Variants in PRKD2 observed in about 807,000 individuals in gnomAD.
PRKD2 encodes the protein serine/threonine-protein kinase D2.
PRKD2 carries 22 observed loss-of-function variants against 86.0 expected under a neutral mutation model. The observed-to-expected ratio is 0.26, with a 90% CI of 0.18 to 0.37. The LOEUF (loss-of-function observed/expected upper bound fraction) is 0.37. Ranked by LOEUF, PRKD2 falls within the 10% of genes least tolerant of loss-of-function variation. PRKD2 has a pLI of 1.00. For synonymous variants in PRKD2, 509 were observed against 510.9 expected, an observed-to-expected ratio of 1.00 and a Z score of 0.05; for missense variants, 818 against 1,199.2, an observed-to-expected ratio of 0.68 and a Z score of 4.70.
At chr19:46,704,072 G>A (rs1045315416) in intron 5 of PRKD2, 97 bp downstream of exon 5, 180 of 1,534,210 alleles carry the variant, frequency 1.2e-4, no homozygotes, top group Non-Finnish European at 1.5e-4. Flanking sequence ...AGGCCCTGGG[G>A]TCCCAAGGCT....
At chr19:46,680,275 T>C (rs1377152038) in intron 15 of PRKD2, among the ~76,000 whole-genome samples, 4 of 152,136 alleles carry the variant, frequency 2.6e-5, no homozygotes, top group African/African-American at 9.7e-5. Flanking sequence ...TATGGATCTT[T>C]TTTAAAATTT....
chr19:46,688,580 G>A (rs1176376654), intron 14 of PRKD2, among the ~76,000 whole-genome samples: 1 of 150,868 alleles, frequency 6.6e-6, no homozygotes, highest in Non-Finnish European at 1.5e-5. Context: ...ATGATTACAG[G>A]TGCCTGCCAC....
chr19:46,681,811 A>C, intron 14 of PRKD2, 63 bp from the exon 15 acceptor site: 1 of 1,033,578 alleles, frequency 9.7e-7, no homozygotes, highest in East Asian at 2.4e-5. Flanking sequence ...TCCCAACCTC[A>C]GCAGCCAGCC....
intron 1 of PRKD2, chr19:46,714,490 C>CGGGGGGGGGGGGGGG (rs1254751346): frequency 4.6e-5 from 2 of 43,542 alleles, no homozygotes; most frequent in African/African-American, 9.5e-5. Context: ...GGGGGGGGGC[C>CGGGGGGGGGGGGGGG]GGGGGACTTG....
chr19:46,699,149 T>TC (rs1226971960), intron 7 of PRKD2, among the ~76,000 whole-genome samples: 1 of 152,066 alleles, frequency 6.6e-6, no homozygotes, highest in Non-Finnish European at 1.5e-5. Flanking sequence ...ACACGGTGCC[T>TC]CCACCCCAGG....
chr19:46,698,000 G>A, intron 7 of PRKD2, 150 bp from the exon 8 acceptor site: 1 of 651,408 alleles, frequency 1.5e-6, no homozygotes, highest in East Asian at 2.8e-5. Context: ...ACACACACCC[G>A]GGAGTTGCTT....
At position 46,674,692 on chromosome 19, in the gene PRKD2, A is replaced by G. The variant is rs2053169389; in HGVS notation, c.2468T>C (p.Met823Thr). 2 of 1,604,544 alleles carry G rather than the reference A, an allele frequency of 1.2e-6. No homozygotes were observed. The highest frequency in any genetic ancestry group is 4.5e-5 in the East Asian group (2 of 44,778). Residue 823 changes from methionine (M) to threonine (T), a missense_variant, in exon 18 of 18, where the codon ATG (methionine) becomes ACG (threonine). Transcript: ENST00000291281. ...CTCATGCGTGATGTATCGCTCTCCC[A>G]TCTTCCCCTCCAGCTCTCGGAGGTC... Reference protein sequence around the residue: ...WLDLRELEGKMGERYITHESD... With the variant: ...WLDLRELEGKTGERYITHESD...
At chr19:46,715,788 G>A (rs1324608564) in intron 1 of PRKD2, among the ~76,000 whole-genome samples, 1 of 152,246 alleles carries the variant, frequency 6.6e-6, no homozygotes, top group Non-Finnish European at 1.5e-5. Flanking sequence ...TGGGAGGCCC[G>A]GGATGGGCCT....
rs1375183247 is a variant in PRKD2, at chr19:46,701,067, T to C, written c.935A>G (p.Asn312Ser). 1.4e-5 allele frequency: 22 copies of C among 1,614,164 alleles called. No homozygotes were observed. The highest frequency in any genetic ancestry group is 1.8e-5 in the Non-Finnish European group (21 of 1,180,026). ...GATAAGGGCCTCCCCCAGGCAGTCA[T>C]TAGGGACGCGGGTGGCGCAGCGTTT... is the stretch of plus-strand genomic sequence containing the variant. ...CHKRCATRVP[N>S]DCLGEALING... Residue 312 changes from asparagine (N) to serine (S), a missense_variant, in exon 6 of 18, where the codon AAT (asparagine) becomes AGT (serine). This residue lies in a region of PRKD2 where 403 missense variants were observed against 518.6 expected (regional missense o/e 0.78). Coordinates refer to ENST00000291281, the MANE Select transcript of PRKD2 (RefSeq NM_016457.5).
At chr19:46,709,257 A>C (rs2053766390) in intron 3 of PRKD2, 1 of 163,712 alleles carries the variant, frequency 6.1e-6, no homozygotes, top group Non-Finnish European at 1.5e-5. Context: ...ACAGGTGTGA[A>C]CCACTGTGCC....
rs764857604 is a variant in PRKD2 at position 46,710,930 on chromosome 19, A to C, written c.488T>G (p.Val163Gly). 1 of 1,492,732 alleles carries C rather than the reference A, an allele frequency of 6.7e-7. No individual in the cohort carries two copies. Among genetic ancestry groups the C allele is most frequent in the South Asian group, 1.2e-5 (1 of 84,920 alleles). 92.5% of individuals were successfully genotyped at this position (1,492,732 alleles called of 1,614,324 possible). A position where few individuals can be genotyped will look rare whatever the true frequency, so the allele number is the denominator to read the frequency against. Residue 163 changes from valine (V) to glycine (G), a missense_variant, in exon 3 of 18, where the codon GTG (valine) becomes GGG (glycine). Val to Gly is a moderately radical substitution (Grantham distance 109). Coordinates refer to ENST00000291281, the MANE Select transcript of PRKD2 (RefSeq NM_016457.5). ...ACCATCGCACTTGAGGCCCTGGCGC[A>C]CTAGGCCGAAGAGCATCTCCCCGCA... is the stretch of plus-strand genomic sequence containing the variant. ...DHCGEMLFGL[V>G]RQGLKCDGCG...
intron 7 of PRKD2, among the ~76,000 whole-genome samples, chr19:46,698,342 G>C (rs1365864380): frequency 2.0e-5 from 3 of 152,120 alleles, no homozygotes; most frequent in Non-Finnish European, 2.9e-5. Context: ...ACAGGTGTGA[G>C]CCACCACGCT....
intron 14 of PRKD2, among the ~76,000 whole-genome samples, chr19:46,687,538 A>C (rs2053419529): frequency 6.6e-6 from 1 of 152,162 alleles, no homozygotes; most frequent in Non-Finnish European, 1.5e-5. Context: ...GATGTCTCTG[A>C]CCCTCAGTTT....
In PRKD2 at chr19:46,678,550, G is replaced by A; in HGVS notation, c.2184C>T (p.Tyr728=). Residue 728 remains tyrosine, a synonymous_variant, in exon 16 of 18, where the codon TAC becomes TAT. Coordinates refer to ENST00000291281, the MANE Select transcript of PRKD2 (RefSeq NM_016457.5). The surrounding 1 kb of genome is among the most constrained non-coding windows in gnomAD (Gnocchi z 5.7). Reference sequence around the variant, plus strand: ...CTGACCACATGTCCAGCGAGCGGTTGTAGCCCTGGTTGAGCAGCACCTCGG... The same window carrying A: ...CTGACCACATGTCCAGCGAGCGGTTATAGCCCTGGTTGAGCAGCACCTCGG... ...LAPEVLLNQG[Y]NRSLDMWSVG... The A allele has an allele frequency of 6.2e-7, 1 of 1,614,212 alleles. No individual in the cohort carries two copies. Among genetic ancestry groups the A allele is most frequent in the Non-Finnish European group, 8.5e-7 (1 of 1,180,046 alleles).
At position 46,678,361 on chromosome 19, in the gene PRKD2, C is replaced by T. The variant is rs1010628622; in HGVS notation, c.2338+35G>A. On this transcript the variant is annotated intron_variant, in intron 16 of 17. Coordinates refer to ENST00000291281, the MANE Select transcript of PRKD2 (RefSeq NM_016457.5). This position sits in a 1 kb window ranked among gnomAD's most constrained non-coding sequence, Gnocchi z 5.7. ...CCACTTCTCCAGCCCCACCCCACAACCCACCCGCCCATGGGGTAGGCGGGC... is the reference window on the plus strand; with the variant it reads ...CCACTTCTCCAGCCCCACCCCACAATCCACCCGCCCATGGGGTAGGCGGGC... 4 of 1,607,790 alleles carry T rather than the reference C, an allele frequency of 2.5e-6. No homozygotes were observed. Among genetic ancestry groups the T allele is most frequent in the South Asian group, 1.1e-5 (1 of 90,224 alleles).
chr19:46,708,235 G>GCAC (rs1425226981), intron 3 of PRKD2, among the ~76,000 whole-genome samples: 1 of 151,790 alleles, frequency 6.6e-6, no homozygotes, highest in African/African-American at 2.4e-5. Flanking sequence ...ATCTGGAGAC[G>GCAC]GTGCCTTTAT....
chr19:46,708,073 G>C (rs1196193597), intron 3 of PRKD2, among the ~76,000 whole-genome samples: 4 of 152,058 alleles, frequency 2.6e-5, no homozygotes, highest in Non-Finnish European at 5.9e-5. Flanking sequence ...ACTCCAGCCT[G>C]GGTGACAGAC....
chr19:46,698,635 G>A (rs534803927), intron 7 of PRKD2, among the ~76,000 whole-genome samples: 3 of 152,224 alleles, frequency 2.0e-5, no homozygotes, highest in Non-Finnish European at 4.4e-5. Context: ...TGCAGATGCT[G>A]TTAGTACAGT....
At chr19:46,692,086 G>C in intron 10 of PRKD2, 101 bp from the exon 11 acceptor site, 1 of 1,172,268 alleles carries the variant, frequency 8.5e-7, no homozygotes. Context: ...ACCCAGATTT[G>C]AATCCAATGT....
Sources: allele counts gnomAD v4.1 joint callset (sites outside exome capture counted in the v4.1 genomes callset), GRCh38; gene constraint gnomAD v4.1.1; regional missense constraint gnomAD v4.1.1; non-coding constraint Gnocchi (gnomAD v3.1); transcripts MANE v1.5; gene names NCBI Gene and HGNC (gene_info 2026-07-23, HGNC 2026-07-21).